The following BANK1 variants were observed in gnomAD, a reference collection of about 807,000 sequenced individuals.
BANK1 encodes B-cell scaffold protein with ankyrin repeats.
In BANK1, 95 loss-of-function variants were observed where a neutral mutation model predicts 94.5. The observed-to-expected ratio is 1.00, with a 90% CI of 0.85 to 1.19. The LOEUF (loss-of-function observed/expected upper bound fraction) is 1.19. Ranked by LOEUF, BANK1 falls within the 50% of genes most tolerant of loss-of-function variation. The probability of loss-of-function intolerance (pLI) is 0.00; values close to 1 mark genes in which losing one functional copy is unlikely to be tolerated. For missense variants in BANK1, 987 were observed against 932.2 expected, an observed-to-expected ratio of 1.06 and a Z score of -0.77; for synonymous variants, 334 against 308.4, an observed-to-expected ratio of 1.08 and a Z score of -0.87.
intron 6 of BANK1, among the ~76,000 whole-genome samples, chr4:101,908,267 C>A (rs1488876478): frequency 6.6e-6 from 1 of 152,194 alleles, no homozygotes; most frequent in Non-Finnish European, 1.5e-5. Flanking sequence ...CTACAGCCAT[C>A]TGATCTTTGA....
intron 5 of BANK1, among the ~76,000 whole-genome samples, 177 bp from the exon 6 acceptor site, chr4:101,895,128 A>G (rs957492429): frequency 2.6e-5 from 4 of 151,774 alleles, no homozygotes; most frequent in African/African-American, 7.2e-5. Flanking sequence ...TTATCTTAGT[A>G]ATTGGTTTTT....
At chr4:101,886,763 G>C (rs1046146431) in intron 5 of BANK1, among the ~76,000 whole-genome samples, 6 of 39,428 alleles carry the variant, frequency 1.5e-4, no homozygotes, top group Admixed American at 5.3e-4. Context: ...CAATATATTG[G>C]GGGGGGGGGC....
chr4:102,066,944 A>T (rs774102405), intron 13 of BANK1, among the ~76,000 whole-genome samples: 2 of 152,192 alleles, frequency 1.3e-5, no homozygotes, highest in Non-Finnish European at 2.9e-5. Flanking sequence ...GATAAATAGA[A>T]TTATATGTTT....
At chr4:101,966,123 T>C (rs1560656856) in intron 7 of BANK1, among the ~76,000 whole-genome samples, 1 of 152,208 alleles carries the variant, frequency 6.6e-6, no homozygotes, top group East Asian at 1.9e-4. Flanking sequence ...AACAAATTTA[T>C]TTTTTGTGAA....
intron 7 of BANK1, among the ~76,000 whole-genome samples, chr4:102,007,753 A>G (rs1196810038): frequency 6.6e-6 from 1 of 152,124 alleles, no homozygotes; most frequent in East Asian, 1.9e-4. Flanking sequence ...ATTTCTATTG[A>G]TCAGGAATAT....
chr4:101,875,300 G>GGACC (rs1364277335), intron 5 of BANK1, among the ~76,000 whole-genome samples: 1 of 152,006 alleles, frequency 6.6e-6, no homozygotes, highest in East Asian at 1.9e-4. Context: ...AAATAAAACA[G>GGACC]GACCAAACTC....
Position 102,060,219 on chromosome 4 carries a change from C to G in BANK1, c.1978C>G (p.Arg660Gly), listed in dbSNP as rs778946197. 41 of 1,574,740 alleles carry G rather than the reference C, an allele frequency of 2.6e-5. No individual in the cohort carries two copies. The Admixed American group carries it at 8.2e-4, about 32-fold the overall frequency. The change falls in exon 12 of 17, where the codon CGG becomes GGG. Residue 660 changes from arginine (R) to glycine (G), a missense_variant. Arg to Gly is a moderately radical substitution (Grantham distance 125, BLOSUM62 -2). Coordinates refer to ENST00000322953, the MANE Select transcript of BANK1 (RefSeq NM_017935.5). ...CTCCCCTTGTATTTTAGACAGAGCTCGGATAGAGAGTCCAGCCTTTTCTAC... is the reference window on the plus strand; with the variant it reads ...CTCCCCTTGTATTTTAGACAGAGCTGGGATAGAGAGTCCAGCCTTTTCTAC... ...CGLPKKQDRA[R>G]IESPAFSTLR...
chr4:102,027,771 A>G (rs1727153055), intron 9 of BANK1, among the ~76,000 whole-genome samples: 1 of 152,052 alleles, frequency 6.6e-6, no homozygotes, highest in African/African-American at 2.4e-5. Context: ...ATATAATACT[A>G]TAGAGCACTT....
intron 7 of BANK1, among the ~76,000 whole-genome samples, chr4:101,981,270 A>G (rs913633550): frequency 2.0e-5 from 3 of 152,058 alleles, no homozygotes; most frequent in Non-Finnish European, 4.4e-5. Flanking sequence ...ATTAATTTTT[A>G]TTTGTCAAGA....
intron 2 of BANK1, among the ~76,000 whole-genome samples, chr4:101,854,159 C>T (rs1488178157): frequency 9.9e-5 from 15 of 152,032 alleles, no homozygotes; most frequent in Admixed American, 8.5e-4. Flanking sequence ...TGGGGGGTTT[C>T]AGGGCTGCTT....
chr4:101,791,047 C>G lies in BANK1; in HGVS notation c.70+97C>G. The G allele has an allele frequency of 4.9e-6, 5 of 1,018,510 alleles. No homozygotes were observed. The South Asian group carries it at 8.4e-5, about 17-fold the overall frequency. 63.1% of individuals were successfully genotyped at this position (1,018,510 alleles called of 1,614,324 possible). On this transcript the variant is annotated intron_variant, in intron 1 of 16. Coordinates refer to ENST00000322953, the MANE Select transcript of BANK1 (RefSeq NM_017935.5). ...ATCGTTAGACAACTGCACTCGGGCA[C>G]TGAGGCCAGGGCGTCCCTGAGACAG...
chr4:102,028,742 T>G (rs1727185210), intron 9 of BANK1, among the ~76,000 whole-genome samples: 1 of 152,164 alleles, frequency 6.6e-6, no homozygotes. Context: ...TAACATATTC[T>G]TATAAAAATA....
intron 7 of BANK1, among the ~76,000 whole-genome samples, chr4:101,934,374 A>T (rs752509193): frequency 2.6e-5 from 4 of 151,450 alleles, no homozygotes; most frequent in Non-Finnish European, 5.9e-5. Context: ...CTAAGAAGCT[A>T]CGATGAGAAA....
intron 6 of BANK1, among the ~76,000 whole-genome samples, chr4:101,900,948 T>C (rs2148893182): frequency 6.6e-6 from 1 of 152,132 alleles, no homozygotes; most frequent in Admixed American, 6.5e-5. Flanking sequence ...GAAATTTCCA[T>C]AAAGAGACTG....
intron 7 of BANK1, among the ~76,000 whole-genome samples, chr4:101,922,476 C>T (rs879581890): frequency 1.3e-5 from 2 of 151,786 alleles, no homozygotes; most frequent in African/African-American, 2.4e-5. Context: ...CCATCAGGTA[C>T]ACTAAAGGTG....
chr4:102,014,852 A>C (rs952849398), intron 7 of BANK1, among the ~76,000 whole-genome samples: 3 of 152,136 alleles, frequency 2.0e-5, no homozygotes, highest in African/African-American at 4.8e-5. Flanking sequence ...TCTACACCAG[A>C]AATTCACTCT....
At chr4:101,815,339 A>G (rs2148856371) in intron 1 of BANK1, among the ~76,000 whole-genome samples, 1 of 152,298 alleles carries the variant, frequency 6.6e-6, no homozygotes, top group East Asian at 1.9e-4. Context: ...GGATGTAATA[A>G]AACTGGAAAT....
intron 7 of BANK1, among the ~76,000 whole-genome samples, chr4:101,977,699 C>G (rs1212953356): frequency 6.6e-6 from 1 of 152,084 alleles, no homozygotes; most frequent in Non-Finnish European, 1.5e-5. Context: ...GAATTACCAT[C>G]CTGAGTGAGA....
chr4:102,009,811 A>ATAT (rs1294603763), intron 7 of BANK1, among the ~76,000 whole-genome samples: 1 of 152,060 alleles, frequency 6.6e-6, no homozygotes, highest in South Asian at 2.1e-4. Flanking sequence ...TATTGTTTTT[A>ATAT]TATTATTATT....
Sources: gnomAD v4.1 joint callset for allele counts (sites outside exome capture counted in the v4.1 genomes callset) on GRCh38, gnomAD v4.1.1 for gene constraint, MANE v1.5 for transcripts, NCBI Gene and HGNC (gene_info 2026-07-23, HGNC 2026-07-21) for gene names.